PBX3: variants seen among roughly 807,000 people sequenced by gnomAD.
PBX3 encodes the protein PBX homeobox 3, also known as pre-B-cell leukemia transcription factor 3.
A neutral mutation model predicts 48.5 loss-of-function variants in PBX3; 14 were observed. That is an observed-to-expected ratio of 0.29 (90% CI 0.19 to 0.45). PBX3 has a LOEUF of 0.45. Ranked by LOEUF, PBX3 falls within the 20% of genes least tolerant of loss-of-function variation. The probability of loss-of-function intolerance (pLI) is 1.00; values close to 1 mark genes in which losing one functional copy is unlikely to be tolerated. For synonymous variants in PBX3, 210 were observed against 200.3 expected (o/e 1.05, Z -0.41); for missense variants, 386 against 546.7 (o/e 0.71, Z 2.93).
At chr9:125,951,961 C>T (rs1478262918) in intron 5 of PBX3, among the ~76,000 whole-genome samples, 1 of 152,174 alleles carries the variant, frequency 6.6e-6, no homozygotes, top group African/African-American at 2.4e-5. Flanking sequence ...ACACCATTAA[C>T]TTTAAAAAAT....
chr9:125,941,788 A>G (rs183389231), intron 5 of PBX3, among the ~76,000 whole-genome samples: 3 of 152,350 alleles, frequency 2.0e-5, no homozygotes, highest in Non-Finnish European at 2.9e-5. Context: ...AGTAGAGCAG[A>G]TATTAATTTA....
intron 2 of PBX3, among the ~76,000 whole-genome samples, chr9:125,895,085 A>C (rs1176820471): frequency 5.3e-5 from 8 of 152,098 alleles, no homozygotes; most frequent in Non-Finnish European, 8.8e-5. Context: ...TAATTCAGAG[A>C]AAATTTTGAT....
chr9:125,891,760 C>T (rs1840650182), intron 2 of PBX3, among the ~76,000 whole-genome samples: 1 of 152,126 alleles, frequency 6.6e-6, no homozygotes, highest in Admixed American at 6.5e-5. Flanking sequence ...ATTATCTGTA[C>T]ATATCCTAAG....
intron 2 of PBX3, among the ~76,000 whole-genome samples, chr9:125,812,507 T>C (rs1838320350): frequency 6.6e-6 from 1 of 152,272 alleles, no homozygotes; most frequent in South Asian, 2.1e-4. Context: ...GTTACTTTAA[T>C]TGATATCAGC....
chr9:125,926,533 G>C (rs933088723), intron 3 of PBX3, among the ~76,000 whole-genome samples: 1 of 150,700 alleles, frequency 6.6e-6, no homozygotes, highest in African/African-American at 2.4e-5. Context: ...AATAGGCCAG[G>C]TGCTATTTAT....
chr9:125,900,754 G>C (rs1840926584), intron 2 of PBX3, among the ~76,000 whole-genome samples: 1 of 151,658 alleles, frequency 6.6e-6, no homozygotes, highest in Non-Finnish European at 1.5e-5. Flanking sequence ...TTTAAACAGA[G>C]ACACATCCAC....
At chr9:125,885,936 T>C (rs1453373337) in intron 2 of PBX3, among the ~76,000 whole-genome samples, 3 of 152,138 alleles carry the variant, frequency 2.0e-5, no homozygotes, top group Non-Finnish European at 2.9e-5. Context: ...CATGTAAATG[T>C]TTACATTTCT....
intron 2 of PBX3, among the ~76,000 whole-genome samples, chr9:125,824,786 C>T (rs4489409): frequency 0.28 from 42,279 of 151,598 alleles, 7,043 homozygotes; most frequent in Middle Eastern, 0.42. Flanking sequence ...CTGATCTCAG[C>T]ATTGCTATCT....
intron 3 of PBX3, 70 bp downstream of exon 3, chr9:125,915,997 A>G: frequency 6.4e-6 from 10 of 1,565,930 alleles, no homozygotes; most frequent in East Asian, 2.3e-5. Context: ...ATGCTAACCA[A>G]TTCTGAGGGC....
chr9:125,959,517 A>G (rs1363943881), intron 5 of PBX3, among the ~76,000 whole-genome samples: 1 of 152,244 alleles, frequency 6.6e-6, no homozygotes, highest in Non-Finnish European at 1.5e-5. Flanking sequence ...GATGAGTGCC[A>G]TAGGTTGAAG....
chr9:125,892,373 C>A (rs188328470), intron 2 of PBX3, among the ~76,000 whole-genome samples: 112 of 151,866 alleles, frequency 7.4e-4, no homozygotes, highest in African/African-American at 2.7e-3. Context: ...GATAAATTTC[C>A]AAAATAAGTT....
chr9:125,887,547 C>G (rs1840530827), intron 2 of PBX3, among the ~76,000 whole-genome samples: 1 of 152,142 alleles, frequency 6.6e-6, no homozygotes, highest in African/African-American at 2.4e-5. Flanking sequence ...ATGCACAATT[C>G]TGCCTTTGCA....
intron 5 of PBX3, 97 bp downstream of exon 5, chr9:125,935,704 C>G: frequency 1.8e-6 from 2 of 1,135,266 alleles, no homozygotes; most frequent in African/African-American, 1.6e-5. Context: ...TCCAAATGTT[C>G]TATCATCAAA....
At chr9:125,811,642 C>T (rs143991247) in intron 2 of PBX3, among the ~76,000 whole-genome samples, 5,609 of 152,192 alleles carry the variant, frequency 0.037, 359 homozygotes, top group African/African-American at 0.13. Flanking sequence ...TACCCAGTCT[C>T]GGGTATTTCT....
chr9:125,833,217 G>C (rs1325123966), intron 2 of PBX3, among the ~76,000 whole-genome samples: 1 of 152,126 alleles, frequency 6.6e-6, no homozygotes, highest in Non-Finnish European at 1.5e-5. Flanking sequence ...CAGGCGTGGT[G>C]ACTCATGCCT....
chr9:125,780,012 C>T (rs62567217), intron 2 of PBX3, among the ~76,000 whole-genome samples: 1 of 136,572 alleles, frequency 7.3e-6, no homozygotes, highest in Non-Finnish European at 1.6e-5. Context: ...TAGGGGCAGC[C>T]GGGCAGAGGC....
chr9:125,753,285 CTT>C lies in PBX3; in HGVS notation c.274+4672_274+4673del, dbSNP rs34449607. On this transcript the variant is annotated intron_variant, in intron 2 of 8. Coordinates refer to ENST00000373489, the MANE Select transcript of PBX3 (RefSeq NM_006195.6). ...TATTTTTCTTAACTTAATATTTTACCTTTTTTTTTTTCTATTTTTATAGATTT... is the reference window on the plus strand; with the variant it reads ...TATTTTTCTTAACTTAATATTTTACCTTTTTTTTTCTATTTTTATAGATTT... Among the ~76,000 whole-genome samples, 283 of 148,204 alleles carry C rather than the reference CTT, an allele frequency of 1.9e-3. 1 individual carries two copies. The highest frequency in any genetic ancestry group is 6.2e-3 in the African/African-American group (252 of 40,374).
At chr9:125,941,626 T>C (rs1408409666) in intron 5 of PBX3, among the ~76,000 whole-genome samples, 1 of 152,186 alleles carries the variant, frequency 6.6e-6, no homozygotes, top group Non-Finnish European at 1.5e-5. Context: ...TAAACCAGAA[T>C]TTGAAATTTC....
intron 3 of PBX3, 134 bp downstream of exon 3, chr9:125,916,061 A>T: frequency 7.8e-7 from 1 of 1,274,226 alleles, no homozygotes; most frequent in South Asian, 1.6e-5. Context: ...CAGTGCAAAA[A>T]TCCAAGTGAA....
Sources: gnomAD v4.1 joint callset for allele counts (sites outside exome capture counted in the v4.1 genomes callset) on GRCh38, gnomAD v4.1.1 for gene constraint, MANE v1.5 for transcripts, NCBI Gene and HGNC (gene_info 2026-07-23, HGNC 2026-07-21) for gene names.